Variants in CHRM3 observed in about 807,000 individuals in gnomAD.
CHRM3 encodes cholinergic receptor muscarinic 3.
Under a neutral mutation model 41.8 loss-of-function variants are expected in CHRM3, and 11 were observed. That is an observed-to-expected ratio of 0.26 (90% CI 0.17 to 0.44). CHRM3 has a LOEUF of 0.44. Ranked by LOEUF, CHRM3 falls within the 20% of genes least tolerant of loss-of-function variation. CHRM3 has a pLI of 1.00. For synonymous variants in CHRM3, 297 were observed against 301.4 expected (o/e 0.99, Z 0.15); for missense variants, 571 against 745.4 (o/e 0.77, Z 2.72).
intron 3 of CHRM3, among the ~76,000 whole-genome samples, chr1:239,582,367 A>ACTTTC (rs1159576292): frequency 6.6e-6 from 1 of 152,182 alleles, no homozygotes; most frequent in East Asian, 1.9e-4. Context: ...TACTTGTGGT[A>ACTTTC]CTTTCCTTTT....
At chr1:239,411,639 C>T (rs1422462750) in intron 1 of CHRM3, among the ~76,000 whole-genome samples, 2 of 138,908 alleles carry the variant, frequency 1.4e-5, no homozygotes, top group African/African-American at 2.7e-5. Context: ...GCAGGACAAT[C>T]GCTTGAACCC....
intron 1 of CHRM3, among the ~76,000 whole-genome samples, chr1:239,411,830 G>A (rs1281393345): frequency 6.7e-6 from 1 of 150,348 alleles, no homozygotes; most frequent in African/African-American, 2.4e-5. Flanking sequence ...AATTCTCAAG[G>A]CTTGTGATAA....
intron 5 of CHRM3, among the ~76,000 whole-genome samples, chr1:239,717,369 G>A (rs937402053): frequency 6.6e-6 from 1 of 151,946 alleles, no homozygotes; most frequent in African/African-American, 2.4e-5. Flanking sequence ...AGAGTAGTGG[G>A]GACCATTTCT....
chr1:239,815,233 GT>G (rs1318327910), intron 5 of CHRM3, among the ~76,000 whole-genome samples: 2 of 152,194 alleles, frequency 1.3e-5, no homozygotes, highest in African/African-American at 4.8e-5. Flanking sequence ...GAAAGTAGCT[GT>G]GCTGATTTAT....
chr1:239,679,208 G>C (rs1658319846), intron 5 of CHRM3, among the ~76,000 whole-genome samples: 1 of 152,056 alleles, frequency 6.6e-6, no homozygotes, highest in South Asian at 2.1e-4. Context: ...AATATAGCAG[G>C]CTTGTTGAAA....
intron 4 of CHRM3, among the ~76,000 whole-genome samples, chr1:239,652,340 C>T (rs571944751): frequency 4.8e-4 from 73 of 152,262 alleles, no homozygotes; most frequent in African/African-American, 1.8e-3. Context: ...CCTTAAAGCA[C>T]ATAGATCTTG....
At chr1:239,572,868 A>C (rs1661958066) in intron 3 of CHRM3, among the ~76,000 whole-genome samples, 1 of 152,190 alleles carries the variant, frequency 6.6e-6, no homozygotes, top group Non-Finnish European at 1.5e-5. Context: ...GCAAAGAGAG[A>C]ACTTTTATAC....
chr1:239,852,595 A>G (rs12760163), intron 6 of CHRM3, among the ~76,000 whole-genome samples: 1,585 of 152,308 alleles, frequency 0.01, 13 homozygotes, highest in Middle Eastern at 0.024. Context: ...GTTCAGACCC[A>G]TAATGCTAAT....
chr1:239,835,291 C>A (rs1203646161), intron 6 of CHRM3, among the ~76,000 whole-genome samples: 1 of 152,180 alleles, frequency 6.6e-6, no homozygotes, highest in African/African-American at 2.4e-5. Flanking sequence ...CTGGCTCTGC[C>A]TTTCTTCCTT....
At chr1:239,393,278 A>G (rs60093138) in intron 1 of CHRM3, among the ~76,000 whole-genome samples, 17,835 of 152,236 alleles carry the variant, frequency 0.12, 1,562 homozygotes, top group African/African-American at 0.25. Flanking sequence ...ATGTATATCC[A>G]TAGTCATTTA....
At chr1:239,704,580 T>C (rs1660969973) in intron 5 of CHRM3, 1 of 152,276 alleles carries the variant, frequency 6.6e-6, no homozygotes, top group Non-Finnish European at 1.5e-5. Context: ...ATTTAAGTAA[T>C]AAAATAAATA....
intron 6 of CHRM3, among the ~76,000 whole-genome samples, chr1:239,877,648 G>A (rs959028550): frequency 6.6e-6 from 1 of 152,114 alleles, no homozygotes; most frequent in Non-Finnish European, 1.5e-5. Context: ...ATTTCTTAAG[G>A]CCGTACAGCT....
chr1:239,765,079 G>A (rs937886013), intron 5 of CHRM3, among the ~76,000 whole-genome samples: 2 of 152,190 alleles, frequency 1.3e-5, no homozygotes, highest in Non-Finnish European at 2.9e-5. Context: ...AGCCTCAGGG[G>A]TTATTAGTAA....
rs143658555 is a variant in CHRM3, at chr1:239,740,372, T to G, written c.-147+62084T>G. ...TTTTCTCACTATTGTTTACAGATTT[T>G]CAAAGCTGGAAATCTGAAATTTTGA... On this transcript the variant is annotated intron_variant, in intron 5 of 6. Transcript: ENST00000676153. 2.6e-3 allele frequency among the ~76,000 whole-genome samples: 389 copies of G among 152,234 alleles called. 4 individuals carry two copies. The highest frequency in any genetic ancestry group is 9.1e-3 in the African/African-American group (376 of 41,546).
intron 2 of CHRM3, among the ~76,000 whole-genome samples, chr1:239,499,804 G>A (rs145145003): frequency 1.9e-3 from 282 of 152,258 alleles, no homozygotes; most frequent in African/African-American, 6.3e-3. Flanking sequence ...AACCCTACAA[G>A]CTAGAAGGGA....
intron 4 of CHRM3, among the ~76,000 whole-genome samples, chr1:239,664,323 A>ATCCAACAG (rs1270530348): frequency 6.6e-6 from 1 of 152,192 alleles, no homozygotes; most frequent in East Asian, 1.9e-4. Context: ...CAATTCAATG[A>ATCCAACAG]TCCAACAGTG....
intron 6 of CHRM3, among the ~76,000 whole-genome samples, chr1:239,834,839 T>C (rs531775669): frequency 8.5e-5 from 13 of 152,318 alleles, no homozygotes; most frequent in African/African-American, 2.9e-4. Context: ...TGTAACAAAG[T>C]TCTCAATGAT....
intron 5 of CHRM3, among the ~76,000 whole-genome samples, chr1:239,683,904 G>A (rs1281591122): frequency 6.6e-6 from 1 of 151,866 alleles, no homozygotes; most frequent in Non-Finnish European, 1.5e-5. Context: ...AAAAAAAGAT[G>A]GTCCAAAGCA....
intron 3 of CHRM3, among the ~76,000 whole-genome samples, chr1:239,582,797 A>T (rs2148597379): frequency 6.6e-6 from 1 of 152,184 alleles, no homozygotes; most frequent in South Asian, 2.1e-4. Context: ...CTAGCGTGAA[A>T]TTTCCAAAAT....
Sources: allele counts gnomAD v4.1 joint callset (sites outside exome capture counted in the v4.1 genomes callset), GRCh38; gene constraint gnomAD v4.1.1; transcripts MANE v1.5; gene names NCBI Gene and HGNC (gene_info 2026-07-23, HGNC 2026-07-21).